The following FGGY variants were observed in gnomAD, a reference collection of about 807,000 sequenced individuals.
FGGY encodes FGGY carbohydrate kinase domain-containing protein.
FGGY carries 72 observed loss-of-function variants against 71.3 expected under a neutral mutation model. The ratio of observed to expected loss-of-function variants is 1.01; its 90% CI spans 0.84 to 1.23. FGGY has a LOEUF of 1.23. FGGY is among the 50% of genes most tolerant of loss of function. FGGY has a pLI of 0.00. For missense variants in FGGY, 668 were observed against 682.3 expected, an observed-to-expected ratio of 0.98 and a Z score of 0.23; for synonymous variants, 251 against 250.3, an observed-to-expected ratio of 1.00 and a Z score of -0.02.
At chr1:59,512,000 A>C (rs1325025189) in intron 6 of FGGY, among the ~76,000 whole-genome samples, 1 of 152,208 alleles carries the variant, frequency 6.6e-6, no homozygotes, top group Non-Finnish European at 1.5e-5. Flanking sequence ...TTGAGCATTT[A>C]AACCTTGTAT....
At chr1:59,520,371 C>T (rs182895312) in intron 7 of FGGY, among the ~76,000 whole-genome samples, 166 of 152,276 alleles carry the variant, frequency 1.1e-3, no homozygotes, top group African/African-American at 3.7e-3. Context: ...TCAAGCCACA[C>T]GGGACAACTT....
chr1:59,307,961 A>G (rs2043696666), intron 1 of FGGY, among the ~76,000 whole-genome samples: 1 of 152,206 alleles, frequency 6.6e-6, no homozygotes, highest in South Asian at 2.1e-4. Flanking sequence ...TGGGCCAGTG[A>G]TGTGTCCCAG....
chr1:59,691,877 T>C (rs1456205535), intron 14 of FGGY, among the ~76,000 whole-genome samples: 1 of 152,220 alleles, frequency 6.6e-6, no homozygotes, highest in East Asian at 1.9e-4. Flanking sequence ...ATTTTTGTCA[T>C]TTTCACAGAC....
chr1:59,517,786 C>T (rs918435131), intron 7 of FGGY, among the ~76,000 whole-genome samples: 3 of 108,988 alleles, frequency 2.8e-5, no homozygotes, highest in East Asian at 1.9e-4. Context: ...TTAACACATG[C>T]GTATTTAGTG....
intron 1 of FGGY, chr1:59,315,453 A>G (rs1192100005): frequency 5.7e-5 from 6 of 104,742 alleles, no homozygotes; most frequent in East Asian, 2.6e-4. Flanking sequence ...TCTCCCCACC[A>G]CACTTCCCTT....
At chr1:59,410,199 G>A (rs1242784485) in intron 5 of FGGY, among the ~76,000 whole-genome samples, 1 of 152,178 alleles carries the variant, frequency 6.6e-6, no homozygotes, top group Non-Finnish European at 1.5e-5. Flanking sequence ...GCAGAGGTAG[G>A]CTTGCTTTCT....
chr1:59,320,799 T>C (rs1349296225), intron 1 of FGGY, among the ~76,000 whole-genome samples: 3 of 152,232 alleles, frequency 2.0e-5, no homozygotes, highest in Non-Finnish European at 4.4e-5. Flanking sequence ...AAACTTGGGA[T>C]TGCACAAATA....
intron 7 of FGGY, among the ~76,000 whole-genome samples, chr1:59,515,149 C>G (rs1368037691): frequency 2.0e-5 from 3 of 152,138 alleles, no homozygotes; most frequent in Non-Finnish European, 4.4e-5. Context: ...ACCATGGGAA[C>G]CCACCTCTTG....
intron 6 of FGGY, among the ~76,000 whole-genome samples, chr1:59,482,848 C>T (rs963690591): frequency 4.6e-5 from 7 of 152,080 alleles, no homozygotes; most frequent in Admixed American, 6.6e-5. Context: ...TTCAGATCAA[C>T]AAACTTAACT....
At chr1:59,311,134 C>T (rs1223957124) in intron 1 of FGGY, among the ~76,000 whole-genome samples, 1 of 152,134 alleles carries the variant, frequency 6.6e-6, no homozygotes, top group Non-Finnish European at 1.5e-5. Flanking sequence ...AGATTTGAAA[C>T]TTCATTCTCT....
intron 5 of FGGY, among the ~76,000 whole-genome samples, chr1:59,453,399 T>C (rs906329633): frequency 6.6e-6 from 1 of 152,224 alleles, no homozygotes; most frequent in Admixed American, 6.5e-5. Flanking sequence ...CTGTGAAGTG[T>C]TGAGTTTTTA....
chr1:59,546,943 T>G (rs544598301), intron 7 of FGGY, among the ~76,000 whole-genome samples: 1 of 148,434 alleles, frequency 6.7e-6, no homozygotes, highest in South Asian at 2.2e-4. Flanking sequence ...TGGGATTACC[T>G]TTTTGACTTT....
chr1:59,696,621 C>T (rs1204798392), intron 14 of FGGY, among the ~76,000 whole-genome samples: 2 of 152,188 alleles, frequency 1.3e-5, no homozygotes, highest in Non-Finnish European at 2.9e-5. Context: ...TTCCAAGAGG[C>T]CTTTCAATTG....
intron 14 of FGGY, among the ~76,000 whole-genome samples, chr1:59,732,758 G>A (rs1890212): frequency 0.55 from 83,471 of 151,714 alleles, 23,739 homozygotes; most frequent in East Asian, 0.8. Context: ...AGACCACTGC[G>A]GTATCTCCTA....
chr1:59,335,044 C>T (rs917861431), intron 2 of FGGY, among the ~76,000 whole-genome samples: 12 of 152,082 alleles, frequency 7.9e-5, no homozygotes, highest in African/African-American at 2.4e-4. Flanking sequence ...TTTTATCTTT[C>T]ATAGCTCAAC....
At chr1:59,363,220 C>T (rs1426872244) in intron 4 of FGGY, among the ~76,000 whole-genome samples, 1 of 152,160 alleles carries the variant, frequency 6.6e-6, no homozygotes, top group East Asian at 1.9e-4. Flanking sequence ...GACTCATAGA[C>T]ATTAGGTGAC....
chr1:59,414,309 A>G (rs2064030840), intron 5 of FGGY, among the ~76,000 whole-genome samples: 1 of 152,210 alleles, frequency 6.6e-6, no homozygotes, highest in South Asian at 2.1e-4. Flanking sequence ...CCTCACCACA[A>G]GTAGGCCTTT....
chr1:59,722,236 C>G lies in FGGY; in HGVS notation c.1513-35695C>G, dbSNP rs561867148. Among the ~76,000 whole-genome samples, 141 of 151,370 alleles carry G rather than the reference C, an allele frequency of 9.3e-4. 1 individual carries two copies. Among genetic ancestry groups the G allele is most frequent in the South Asian group, 4.4e-3 (21 of 4,810 alleles). ...AACAGAAGACTGACAAAGTACCATT[C>G]TCATCATATCATATCAAGGATACTT... On this transcript the variant is annotated intron_variant, in intron 14 of 15. Transcript: ENST00000303721.
chr1:59,642,891 C>T (rs530894838), intron 11 of FGGY, among the ~76,000 whole-genome samples: 8 of 150,618 alleles, frequency 5.3e-5, no homozygotes, highest in African/African-American at 9.8e-5. Flanking sequence ...AAAAATTAGC[C>T]GGGCATGGTG....
Sources: gnomAD v4.1 joint callset for allele counts (sites outside exome capture counted in the v4.1 genomes callset) on GRCh38, gnomAD v4.1.1 for gene constraint, MANE v1.5 for transcripts, NCBI Gene and HGNC (gene_info 2026-07-23, HGNC 2026-07-21) for gene names.